CTNND2: variants seen among roughly 807,000 people sequenced by gnomAD.
CTNND2 encodes the protein catenin delta 2, also known as catenin delta-2.
Under a neutral mutation model 144.4 loss-of-function variants are expected in CTNND2, and 22 were observed. That is an observed-to-expected ratio of 0.15 (90% CI 0.11 to 0.22). The LOEUF (loss-of-function observed/expected upper bound fraction) is 0.22, where lower values mean the gene tolerates loss of function less well. Among genes scored for constraint, CTNND2 ranks in the 10% least tolerant of loss-of-function variants. The probability of loss-of-function intolerance (pLI) is 1.00; values close to 1 mark genes in which losing one functional copy is unlikely to be tolerated. For missense variants in CTNND2, 1,353 were observed against 1,618.8 expected, an observed-to-expected ratio of 0.84 and a Z score of 2.82; for synonymous variants, 751 against 695.6, an observed-to-expected ratio of 1.08 and a Z score of -1.25.
chr5:11,120,988 G>A (rs1018966), intron 12 of CTNND2, among the ~76,000 whole-genome samples: 115,448 of 152,152 alleles, frequency 0.76, 44,483 homozygotes, highest in African/African-American at 0.91. Context: ...CTTCCCCACA[G>A]ACACAAGTTC....
At chr5:11,411,414 C>A in intron 5 of CTNND2, 122 bp downstream of exon 5, 1 of 649,524 alleles carries the variant, frequency 1.5e-6, no homozygotes. Flanking sequence ...ATGGATAAAA[C>A]AAGTATAAAA....
chr5:11,501,672 T>A (rs896405305), intron 3 of CTNND2, among the ~76,000 whole-genome samples: 2 of 152,064 alleles, frequency 1.3e-5, no homozygotes, highest in Non-Finnish European at 2.9e-5. Flanking sequence ...GGTAATTAGG[T>A]CATGAGGATG....
At chr5:11,482,025 G>A (rs1768319202) in intron 3 of CTNND2, among the ~76,000 whole-genome samples, 2 of 152,144 alleles carry the variant, frequency 1.3e-5, no homozygotes, top group Admixed American at 1.3e-4. Flanking sequence ...TTCTGCTACT[G>A]CCTCTCTGAG....
intron 2 of CTNND2, among the ~76,000 whole-genome samples, chr5:11,726,118 G>A (rs966772154): frequency 2.6e-5 from 4 of 151,946 alleles, no homozygotes; most frequent in Non-Finnish European, 5.9e-5. Context: ...CTTTGCTCCA[G>A]GCAGTGTCTG....
chr5:11,275,946 C>T (rs899429177), intron 9 of CTNND2, among the ~76,000 whole-genome samples: 7 of 152,180 alleles, frequency 4.6e-5, no homozygotes, highest in Non-Finnish European at 1.5e-5. Context: ...TCAATACTTG[C>T]ACATGATCTA....
intron 1 of CTNND2, among the ~76,000 whole-genome samples, chr5:11,755,558 C>T (rs1315632366): frequency 1.3e-5 from 2 of 151,590 alleles, no homozygotes; most frequent in African/African-American, 4.8e-5. Flanking sequence ...TGCTTACTCT[C>T]CCACTCTTTC....
At chr5:11,329,839 C>CCAG (rs1479328290) in intron 9 of CTNND2, among the ~76,000 whole-genome samples, 14 of 152,180 alleles carry the variant, frequency 9.2e-5, no homozygotes, top group African/African-American at 2.9e-4. Context: ...GCTTTGGTAT[C>CCAG]CAGCACCGTG....
chr5:11,520,974 T>G (rs1353502188), intron 3 of CTNND2, among the ~76,000 whole-genome samples: 1 of 152,234 alleles, frequency 6.6e-6, no homozygotes, highest in Non-Finnish European at 1.5e-5. Flanking sequence ...AATCACGTTG[T>G]GCTATTTGGT....
chr5:11,720,990 A>G (rs1786643450), intron 2 of CTNND2, among the ~76,000 whole-genome samples: 1 of 152,220 alleles, frequency 6.6e-6, no homozygotes, highest in African/African-American at 2.4e-5. Flanking sequence ...AAATAAAAAC[A>G]TATGTCCACA....
At chr5:11,550,609 G>T (rs1336806547) in intron 3 of CTNND2, among the ~76,000 whole-genome samples, 1 of 152,138 alleles carries the variant, frequency 6.6e-6, no homozygotes, top group East Asian at 1.9e-4. Context: ...CAGCTCTTGA[G>T]GTACTAAACA....
intron 9 of CTNND2, among the ~76,000 whole-genome samples, chr5:11,252,953 G>A (rs141569188): frequency 6.6e-6 from 1 of 152,242 alleles, no homozygotes; most frequent in African/African-American, 2.4e-5. Context: ...AAAAATAGCA[G>A]TATCTCACAC....
intron 7 of CTNND2, among the ~76,000 whole-genome samples, chr5:11,374,741 T>C (rs935284607): frequency 1.3e-5 from 2 of 150,690 alleles, no homozygotes; most frequent in Admixed American, 6.6e-5. Flanking sequence ...AATATTTCCA[T>C]GGAAATAATC....
intron 16 of CTNND2, among the ~76,000 whole-genome samples, chr5:11,047,221 A>G (rs1419123116): frequency 6.6e-6 from 1 of 152,200 alleles, no homozygotes; most frequent in Non-Finnish European, 1.5e-5. Context: ...TTCAGAAAGC[A>G]GGGAAAGCTG....
chr5:11,822,384 A>G (rs1793361045), intron 1 of CTNND2, among the ~76,000 whole-genome samples: 1 of 152,214 alleles, frequency 6.6e-6, no homozygotes, highest in Non-Finnish European at 1.5e-5. Flanking sequence ...TGCGTTTCAA[A>G]TTCTTCAAAG....
chr5:11,363,606 T>C (rs541320066), intron 8 of CTNND2, among the ~76,000 whole-genome samples: 32 of 152,326 alleles, frequency 2.1e-4, no homozygotes, highest in Non-Finnish European at 4.4e-4. Context: ...ATGTCAAAAA[T>C]AAAATAAAGA....
intron 2 of CTNND2, among the ~76,000 whole-genome samples, chr5:11,695,155 C>T (rs527333228): frequency 2.6e-5 from 4 of 152,190 alleles, no homozygotes; most frequent in Non-Finnish European, 5.9e-5. Flanking sequence ...AAAGGTCAGA[C>T]CAGGAAGAGA....
chr5:11,629,070 G>A (rs1471218029), intron 2 of CTNND2, among the ~76,000 whole-genome samples: 1 of 152,004 alleles, frequency 6.6e-6, no homozygotes, highest in Non-Finnish European at 1.5e-5. Flanking sequence ...CTAGGTGACT[G>A]CAAGTTCCTT....
intron 9 of CTNND2, among the ~76,000 whole-genome samples, chr5:11,314,170 T>C (rs547197550): frequency 6.6e-6 from 1 of 152,262 alleles, no homozygotes; most frequent in African/African-American, 2.4e-5. Flanking sequence ...GGTCTGCGGA[T>C]ACCTTCCTAG....
chr5:11,270,593 T>C (rs944584542), intron 9 of CTNND2, among the ~76,000 whole-genome samples: 1 of 152,164 alleles, frequency 6.6e-6, no homozygotes, highest in African/African-American at 2.4e-5. Context: ...GATTATGAAA[T>C]GCTCATAAAA....
Sources: gnomAD v4.1 joint callset for allele counts (sites outside exome capture counted in the v4.1 genomes callset) on GRCh38, gnomAD v4.1.1 for gene constraint, MANE v1.5 for transcripts, NCBI Gene and HGNC (gene_info 2026-07-23, HGNC 2026-07-21) for gene names.